The following DNAH14 variants were observed in gnomAD, a reference collection of about 807,000 sequenced individuals.
DNAH14 encodes dynein axonemal heavy chain 14.
A neutral mutation model predicts 520.9 loss-of-function variants in DNAH14; 478 were observed. That is an observed-to-expected ratio of 0.92 (90% confidence interval 0.85 to 0.99). The LOEUF (loss-of-function observed/expected upper bound fraction) is 0.99, where lower values mean the gene tolerates loss of function less well. Ranked by LOEUF, DNAH14 falls within the 50% of genes least tolerant of loss-of-function variation. The pLI is 0.00. For synonymous variants in DNAH14, 1,581 were observed against 1,757.2 expected (o/e 0.90, Z 2.51); for missense variants, 4,831 against 5,234.5 (o/e 0.92, Z 2.38).
At chr1:225,235,203 T>C (rs1354359680) in intron 42 of DNAH14, among the ~76,000 whole-genome samples, 1 of 152,120 alleles carries the variant, frequency 6.6e-6, no homozygotes, top group Non-Finnish European at 1.5e-5. Flanking sequence ...GTTCTTATTA[T>C]TTTGAGGTTC....
At chr1:224,993,618 T>TA (rs993633864) in intron 8 of DNAH14, among the ~76,000 whole-genome samples, 4 of 151,874 alleles carry the variant, frequency 2.6e-5, no homozygotes, top group Middle Eastern at 3.4e-3. Context: ...ATTTTATCTT[T>TA]AAAAAAAACC....
At chr1:225,043,817 G>A (rs2067698111) in intron 14 of DNAH14, 28 bp downstream of exon 14, 15 of 1,456,602 alleles carry the variant, frequency 1.0e-5, no homozygotes, top group East Asian at 2.5e-5. Context: ...TAAAAATTAC[G>A]AGTAATTGTA....
At chr1:225,063,916 A>T (rs1462496874) in intron 17 of DNAH14, among the ~76,000 whole-genome samples, 2 of 151,974 alleles carry the variant, frequency 1.3e-5, no homozygotes, top group African/African-American at 4.8e-5. Flanking sequence ...AAAGATAAAG[A>T]ATAAAAAAGA....
At chr1:225,253,068 CT>C (rs60816976) in intron 44 of DNAH14, among the ~76,000 whole-genome samples, 16,862 of 152,112 alleles carry the variant, frequency 0.11, 1,438 homozygotes, top group East Asian at 0.24. Context: ...GTTGTAAGAG[CT>C]TTTGACAGCA....
chr1:225,157,691 G>GA (rs1337943826), intron 34 of DNAH14, among the ~76,000 whole-genome samples: 1 of 151,668 alleles, frequency 6.6e-6, no homozygotes, highest in Non-Finnish European at 1.5e-5. Context: ...GATCTGTCTT[G>GA]AAAAAAATAT....
At chr1:224,989,708 C>T (rs989229607) in intron 8 of DNAH14, among the ~76,000 whole-genome samples, 2 of 152,082 alleles carry the variant, frequency 1.3e-5, no homozygotes, top group African/African-American at 4.8e-5. Context: ...TGTCAATGCT[C>T]TTTGTCAAGT....
intron 72 of DNAH14, among the ~76,000 whole-genome samples, chr1:225,352,182 T>G (rs2095374016): frequency 6.6e-6 from 1 of 152,152 alleles, no homozygotes; most frequent in African/African-American, 2.4e-5. Flanking sequence ...AACCTACATA[T>G]TTCATTCATT....
chr1:225,062,507 T>A (rs2070297109), intron 17 of DNAH14, among the ~76,000 whole-genome samples: 1 of 151,194 alleles, frequency 6.6e-6, no homozygotes, highest in Non-Finnish European at 1.5e-5. Flanking sequence ...AGGATATGGC[T>A]GAAATTTTTA....
intron 50 of DNAH14, 54 bp from the exon 51 acceptor site, chr1:225,271,852 G>C (rs2093323791): frequency 7.1e-7 from 1 of 1,415,038 alleles, no homozygotes; most frequent in Non-Finnish European, 9.5e-7. Flanking sequence ...GTAGCCAGAA[G>C]TAGTCTATAC....
At position 225,117,939 on chromosome 1, in the gene DNAH14, T is replaced by C. The variant is rs1353899692; in HGVS notation, c.4031T>C (p.Ile1344Thr). 6.4e-7 allele frequency: 1 copy of C among 1,551,520 alleles called. No individual in the cohort carries two copies. Residue 1344 changes from isoleucine to threonine, a missense_variant, in exon 25 of 86, where the codon ATT (isoleucine) becomes ACT (threonine). By Grantham distance (89) the Ile-to-Thr change is moderately conservative. Coordinates refer to ENST00000682510, the MANE Select transcript of DNAH14 (RefSeq NM_001367479.1). ...IKQLLIWKQD[I>T]GPPAVKMLIS... The stretch of plus-strand genomic sequence containing the variant: ...CAATTATTGATATGGAAACAAGACA[T>C]TGGCCCTCCTGCTGTAAAAATGCTA...
chr1:225,392,984 C>T (rs1198523002), intron 84 of DNAH14, among the ~76,000 whole-genome samples: 3 of 152,308 alleles, frequency 2.0e-5, no homozygotes, highest in East Asian at 3.9e-4. Flanking sequence ...GCCACTCCCA[C>T]GCCACTGTCC....
At position 225,370,365 on chromosome 1, in the gene DNAH14, A is replaced by AATAT. The variant is rs1454380530; in HGVS notation, c.12318+2345_12318+2348dup. On this transcript the variant is annotated intron_variant, in intron 77 of 85. Transcript: ENST00000682510. ...AAAGCCCTGTCTGTATAAAAAGTAA[A>AATAT]ATATATATATATATAGCCAGGTGGC... 1.5e-3 allele frequency among the ~76,000 whole-genome samples: 229 copies of AATAT among 150,024 alleles called. 1 individual carries two copies. The highest frequency in any genetic ancestry group is 5.1e-3 in the African/African-American group (207 of 40,926).
chr1:225,345,960 A>G lies in DNAH14; in HGVS notation c.10679-2A>G. ...TTAACTTCACTTTTTGTTTGTCTTT[A>G]GGATCCATATTAGATGATGACAAAA... On this transcript the variant is annotated splice_acceptor_variant, in intron 69 of 85. Transcript: ENST00000682510. LOFTEE classifies it high-confidence loss of function. 2.6e-6 allele frequency: 4 copies of G among 1,509,644 alleles called. No homozygotes were observed. Among genetic ancestry groups the G allele is most frequent in the Non-Finnish European group, 3.6e-6 (4 of 1,113,664 alleles). 93.5% of individuals were successfully genotyped at this position (1,509,644 alleles called of 1,614,324 possible).
chr1:225,355,616 A>T (rs1438969177), intron 73 of DNAH14, among the ~76,000 whole-genome samples: 2 of 152,234 alleles, frequency 1.3e-5, no homozygotes, highest in Admixed American at 1.3e-4. Flanking sequence ...AGACCATAGC[A>T]ACTTCCAAGT....
chr1:225,346,399 T>A lies in DNAH14; in HGVS notation c.11097+19T>A. The A allele has an allele frequency of 1.3e-6, 2 of 1,526,946 alleles. No individual in the cohort carries two copies. The highest frequency in any genetic ancestry group is 1.8e-6 in the Non-Finnish European group (2 of 1,138,504). 94.6% of individuals were successfully genotyped at this position (1,526,946 alleles called of 1,614,324 possible). A position where few individuals can be genotyped will look rare whatever the true frequency, so the allele number is the denominator to read the frequency against. On this transcript the variant is annotated intron_variant, in intron 70 of 85. Transcript: ENST00000682510. ...TTTTAAGGTGAGATATTCTTTAGTG[T>A]GAATTTTACATGCTTATTTAATCTC... is the stretch of plus-strand genomic sequence containing the variant.
chr1:224,994,220 A>AT (rs960194169), intron 8 of DNAH14, among the ~76,000 whole-genome samples: 31 of 151,862 alleles, frequency 2.0e-4, no homozygotes, highest in African/African-American at 7.0e-4. Context: ...GTTAAGTTCA[A>AT]TTTTTTTTAT....
intron 38 of DNAH14, among the ~76,000 whole-genome samples, chr1:225,203,875 G>A (rs547700347): frequency 6.6e-6 from 1 of 152,254 alleles, no homozygotes; most frequent in South Asian, 2.1e-4. Flanking sequence ...ATTGTCTGTG[G>A]GTAATGGAAA....
At chr1:225,214,980 G>T (rs1033728850) in intron 41 of DNAH14, among the ~76,000 whole-genome samples, 5 of 152,082 alleles carry the variant, frequency 3.3e-5, no homozygotes, top group Admixed American at 3.3e-4. Flanking sequence ...TGCTTCTCTA[G>T]TTCTTTTAAT....
At chr1:225,013,640 G>C (rs2064982949) in intron 10 of DNAH14, among the ~76,000 whole-genome samples, 1 of 152,196 alleles carries the variant, frequency 6.6e-6, no homozygotes, top group Admixed American at 6.5e-5. Flanking sequence ...CTTTCTTTCA[G>C]AGATGCCCTA....
Sources: allele counts gnomAD v4.1 joint callset (sites outside exome capture counted in the v4.1 genomes callset), GRCh38; gene constraint gnomAD v4.1.1; transcripts MANE v1.5; gene names NCBI Gene and HGNC (gene_info 2026-07-23, HGNC 2026-07-21).